Variants in NUDCD3 observed in about 807,000 individuals in gnomAD.
NUDCD3 encodes NudC domain containing 3.
Under a neutral mutation model 39.7 loss-of-function variants are expected in NUDCD3, and 13 were observed. That is an observed-to-expected ratio of 0.33 (90% CI 0.21 to 0.52). The LOEUF (loss-of-function observed/expected upper bound fraction) is 0.52, where lower values mean the gene tolerates loss of function less well. Ranked by LOEUF, NUDCD3 falls within the 20% of genes least tolerant of loss-of-function variation. The pLI is 0.96. For missense variants in NUDCD3, 453 were observed against 458.1 expected (o/e 0.99, Z 0.10); for synonymous variants, 175 against 172.4 (o/e 1.02, Z -0.12).
At chr7:44,431,707 C>T (rs913801903) in intron 2 of NUDCD3, among the ~76,000 whole-genome samples, 3 of 138,946 alleles carry the variant, frequency 2.2e-5, no homozygotes, top group African/African-American at 8.1e-5. Context: ...GAGTCTCACT[C>T]TGTCACCCAG....
chr7:44,471,132 G>C (rs901890980), intron 2 of NUDCD3, among the ~76,000 whole-genome samples: 1 of 152,186 alleles, frequency 6.6e-6, no homozygotes, highest in Non-Finnish European at 1.5e-5. Context: ...GTTGTCCCTT[G>C]GTATTCACAG....
chr7:44,426,867 C>T (rs1343055964), intron 3 of NUDCD3, among the ~76,000 whole-genome samples: 1 of 152,080 alleles, frequency 6.6e-6, no homozygotes. Flanking sequence ...CTGTCCCTCC[C>T]TCCATCCCTC....
intron 5 of NUDCD3, among the ~76,000 whole-genome samples, chr7:44,387,651 C>T (rs956875898): frequency 6.6e-6 from 1 of 152,184 alleles, no homozygotes; most frequent in African/African-American, 2.4e-5. Context: ...CCTGCAGCCA[C>T]CACAGTCTTA....
At position 44,490,416 on chromosome 7, in the gene NUDCD3, A is replaced by C; in HGVS notation, c.185T>G (p.Val62Gly). The C allele has an allele frequency of 1.9e-6, 3 of 1,562,660 alleles. No individual in the cohort carries two copies. Among genetic ancestry groups the C allele is most frequent in the Non-Finnish European group, 2.6e-6 (3 of 1,155,268 alleles). ...GFPPGAAQAL[V>G]LQVFKTFDHM... ...CAGGCCCGCCCGCCTCACCTGCAGC[A>C]CCAAGGCCTGCGCGGCCCCGGGCGG... The change falls in exon 1 of 6, where the codon GTG becomes GGG. Residue 62 changes from valine to glycine, a missense_variant. Transcript: ENST00000355451.
At chr7:44,444,392 C>A (rs966715386) in intron 2 of NUDCD3, among the ~76,000 whole-genome samples, 2 of 152,036 alleles carry the variant, frequency 1.3e-5, no homozygotes, top group Admixed American at 1.3e-4. Flanking sequence ...GGCCTGGGGA[C>A]AGGGGAAGGT....
At chr7:44,466,425 C>A (rs1486523116) in intron 2 of NUDCD3, among the ~76,000 whole-genome samples, 1 of 152,018 alleles carries the variant, frequency 6.6e-6, no homozygotes, top group Admixed American at 6.5e-5. Context: ...GAGAGAGAAA[C>A]AGTTTTCTGT....
chr7:44,489,839 G>A (rs1471024220), intron 1 of NUDCD3: 2 of 152,242 alleles, frequency 1.3e-5, no homozygotes, highest in African/African-American at 4.8e-5. Context: ...ATTCAAAAGT[G>A]CCCAGTCAAC....
intron 3 of NUDCD3, among the ~76,000 whole-genome samples, chr7:44,423,758 C>G (rs1306193556): frequency 1.3e-5 from 2 of 152,182 alleles, no homozygotes; most frequent in Non-Finnish European, 2.9e-5. Flanking sequence ...CACCAACCTA[C>G]CATTGACTTT....
intron 3 of NUDCD3, among the ~76,000 whole-genome samples, chr7:44,420,405 A>C (rs1799114685): frequency 1.3e-5 from 2 of 152,188 alleles, no homozygotes. Context: ...AGGAGAATGG[A>C]ACCAAGTTGG....
rs958179509 is a variant in NUDCD3, at chr7:44,379,482, T to G, written c.*6529A>C. The G allele has an allele frequency of 6.6e-6, 1 of 152,116 alleles. No homozygotes were observed. Among genetic ancestry groups the G allele is most frequent in the Non-Finnish European group, 1.5e-5 (1 of 68,108 alleles). The allele number at this position is 152,116 out of a possible 1,614,324, so 9.4% of individuals were successfully genotyped here. A position where few individuals can be genotyped will look rare whatever the true frequency, so the allele number is the denominator to read the frequency against. On this transcript the variant is annotated 3_prime_UTR_variant, in exon 6 of 6. Coordinates refer to ENST00000355451, the MANE Select transcript of NUDCD3 (RefSeq NM_015332.4). Reference sequence around the variant, plus strand: ...AGCCTGTTCAGGAGGCTGCTGACTGTCCAGGGCTTTGCTGAGTGCCTGGCT... The same window carrying G: ...AGCCTGTTCAGGAGGCTGCTGACTGGCCAGGGCTTTGCTGAGTGCCTGGCT...
At chr7:44,470,477 T>A (rs6946743) in intron 2 of NUDCD3, among the ~76,000 whole-genome samples, 19,566 of 152,226 alleles carry the variant, frequency 0.13, 1,671 homozygotes, top group Non-Finnish European at 0.19. Flanking sequence ...GTCCCCCCAA[T>A]GTTAGCCTCT....
rs1363692782 is a variant in NUDCD3 at position 44,451,977 on chromosome 7, G to GA, written c.510-24275dup. ...TGGAGAAAAGTCATCTATAGAGAAG[G>GA]AAAAAAAAGCACAGTCAAGAGAAAG... On this transcript the variant is annotated intron_variant, in intron 2 of 5. Transcript: ENST00000355451. 2.6e-5 allele frequency among the ~76,000 whole-genome samples: 4 copies of GA among 151,808 alleles called. No individual in the cohort carries two copies. In the East Asian group the frequency reaches 5.8e-4, roughly 22 times the overall value.
intron 2 of NUDCD3, among the ~76,000 whole-genome samples, chr7:44,442,981 G>A (rs1019953587): frequency 1.3e-5 from 2 of 152,016 alleles, no homozygotes; most frequent in African/African-American, 4.8e-5. Context: ...GGATTACAGG[G>A]GTGAGCCACC....
At chr7:44,468,747 G>A (rs972020835) in intron 2 of NUDCD3, among the ~76,000 whole-genome samples, 1 of 152,078 alleles carries the variant, frequency 6.6e-6, no homozygotes, top group Admixed American at 6.5e-5. Flanking sequence ...TCCACAGCCA[G>A]GGCAGGAGAA....
At chr7:44,459,863 T>C (rs1214755048) in intron 2 of NUDCD3, among the ~76,000 whole-genome samples, 1 of 152,156 alleles carries the variant, frequency 6.6e-6, no homozygotes, top group Admixed American at 6.5e-5. Context: ...AACAGGAAAA[T>C]TTAACGAGAA....
At chr7:44,409,010 AG>A (rs1400170189) in intron 3 of NUDCD3, among the ~76,000 whole-genome samples, 1 of 152,202 alleles carries the variant, frequency 6.6e-6, no homozygotes, top group African/African-American at 2.4e-5. Context: ...AAATACGGCA[AG>A]TGTTTTAACT....
At chr7:44,427,480 A>G in intron 3 of NUDCD3, 91 bp downstream of exon 3, 3 of 1,435,444 alleles carry the variant, frequency 2.1e-6, no homozygotes, top group Non-Finnish European at 2.8e-6. Flanking sequence ...GCCGATCTCA[A>G]CACTCCCTCA....
intron 5 of NUDCD3, among the ~76,000 whole-genome samples, chr7:44,388,482 A>T (rs1269583064): frequency 2.6e-5 from 4 of 152,202 alleles, no homozygotes; most frequent in Non-Finnish European, 5.9e-5. Flanking sequence ...TTGATTTTCT[A>T]AAAAAAGGCT....
At chr7:44,439,260 T>A (rs990632490) in intron 2 of NUDCD3, among the ~76,000 whole-genome samples, 1 of 152,090 alleles carries the variant, frequency 6.6e-6, no homozygotes, top group Non-Finnish European at 1.5e-5. Flanking sequence ...ATCTACTCCA[T>A]GACAAAGAAC....
Sources: allele counts gnomAD v4.1 joint callset (sites outside exome capture counted in the v4.1 genomes callset), GRCh38; gene constraint gnomAD v4.1.1; transcripts MANE v1.5; gene names NCBI Gene and HGNC (gene_info 2026-07-23, HGNC 2026-07-21).